Variants in RELN observed in about 807,000 individuals in gnomAD.
The protein encoded by RELN is reelin.
RELN carries 108 observed loss-of-function variants against 427.6 expected under a neutral mutation model. The ratio of observed to expected loss-of-function variants is 0.25; its 90% CI spans 0.22 to 0.30. The LOEUF (loss-of-function observed/expected upper bound fraction) is 0.30, where lower values mean the gene tolerates loss of function less well. RELN is among the 10% of genes least tolerant of loss of function. The pLI is 1.00. For synonymous variants in RELN, 1,524 were observed against 1,513.4 expected, an observed-to-expected ratio of 1.01 and a Z score of -0.16; for missense variants, 3,715 against 4,302.8, an observed-to-expected ratio of 0.86 and a Z score of 3.82.
intron 2 of RELN, among the ~76,000 whole-genome samples, chr7:103,856,500 C>T (rs941648808): frequency 7.0e-6 from 1 of 142,772 alleles, no homozygotes; most frequent in Non-Finnish European, 1.5e-5. Context: ...ACCCAGGAAG[C>T]GGAGATTGCA....
intron 2 of RELN, among the ~76,000 whole-genome samples, chr7:103,870,253 A>G (rs1341695875): frequency 6.6e-6 from 1 of 151,922 alleles, no homozygotes; most frequent in Non-Finnish European, 1.5e-5. Context: ...ACTGGTTTCT[A>G]TTGAATGCTT....
In RELN at chr7:103,780,880, C is replaced by T. The variant is rs183021409; in HGVS notation, c.474-4253G>A. Among the ~76,000 whole-genome samples the T allele has an allele frequency of 4.1e-4, 63 of 152,270 alleles. 1 individual carries two copies. The highest frequency in any genetic ancestry group is 1.3e-3 in the African/African-American group (56 of 41,548). ...TGTCATATTTCTTCCAATGAAGACC[C>T]CTTGCATCTTCCTGTATGCTACTGC... On this transcript the variant is annotated intron_variant, in intron 3 of 64. Transcript: ENST00000428762.
intron 2 of RELN, among the ~76,000 whole-genome samples, chr7:103,892,517 A>G (rs1386421231): frequency 1.3e-5 from 2 of 152,180 alleles, no homozygotes; most frequent in Non-Finnish European, 2.9e-5. Context: ...ATGGGGAAAT[A>G]TATCCACTTT....
chr7:103,917,783 G>C (rs773084193), intron 1 of RELN, among the ~76,000 whole-genome samples: 8 of 152,142 alleles, frequency 5.3e-5, no homozygotes, highest in Non-Finnish European at 1.2e-4. Flanking sequence ...AAGTCTGGAA[G>C]AGGAGTGGTT....
intron 2 of RELN, among the ~76,000 whole-genome samples, chr7:103,913,758 A>G (rs1795421183): frequency 6.6e-6 from 1 of 152,208 alleles, no homozygotes; most frequent in Admixed American, 6.6e-5. Context: ...CATTCTAAAC[A>G]TTATTCATGA....
At chr7:103,545,070 T>C in intron 42 of RELN, 54 bp downstream of exon 42, 1 of 1,377,256 alleles carries the variant, frequency 7.3e-7, no homozygotes, top group East Asian at 2.3e-5. Context: ...AAAAATTGTG[T>C]TTAACATATA....
At chr7:103,787,449 A>G (rs1792046063) in intron 3 of RELN, among the ~76,000 whole-genome samples, 2 of 152,180 alleles carry the variant, frequency 1.3e-5, no homozygotes, top group Admixed American at 1.3e-4. Context: ...AGACTAATAA[A>G]GAAGAAGAAA....
chr7:103,773,462 T>TCTCTCCCTCGCTCCCTCC (rs1563005028), intron 4 of RELN, among the ~76,000 whole-genome samples: 7 of 144,150 alleles, frequency 4.9e-5, no homozygotes, highest in Non-Finnish European at 9.1e-5. Context: ...TCCCTCCCTC[T>TCTCTCCCTCGCTCCCTCC]CTCTCTCTCT....
In RELN at chr7:103,510,922, G is replaced by A. The variant is rs1219212571; in HGVS notation, c.8203C>T (p.His2735Tyr). ...SPDGVMLCGS[H>Y]DGREVYAVTH... is the part of the protein sequence containing the mutation. ...ACTGCATACACCTCCCGTCCATCATGACTGCCACAGAGCATCACACCATCA... is the reference window on the plus strand; with the variant it reads ...ACTGCATACACCTCCCGTCCATCATAACTGCCACAGAGCATCACACCATCA... The change falls in exon 51 of 65, where the codon CAT becomes TAT. Residue 2735 changes from histidine (H) to tyrosine (Y), a missense_variant. Physicochemically the swap from His to Tyr is moderately conservative, Grantham distance 83 (BLOSUM62 2). Around this residue, in one of 4 missense-constraint regions of RELN, gnomAD observed 1,310 missense variants for 1,643.0 expected, o/e 0.80. Transcript: ENST00000428762. 2 of 1,612,840 alleles carry A rather than the reference G, an allele frequency of 1.2e-6. No individual in the cohort carries two copies. The highest frequency in any genetic ancestry group is 1.7e-6 in the Non-Finnish European group (2 of 1,178,894).
chr7:103,887,969 T>TC (rs1794761551), intron 2 of RELN, among the ~76,000 whole-genome samples: 8 of 151,844 alleles, frequency 5.3e-5, no homozygotes, highest in African/African-American at 1.9e-4. Flanking sequence ...GGAAAACCCT[T>TC]GGTGACATGG....
At chr7:103,971,053 G>A (rs1388957931) in intron 1 of RELN, among the ~76,000 whole-genome samples, 1 of 151,618 alleles carries the variant, frequency 6.6e-6, no homozygotes, top group Non-Finnish European at 1.5e-5. Flanking sequence ...TCAGGAGGCT[G>A]AGGCAAGAGA....
intron 2 of RELN, among the ~76,000 whole-genome samples, chr7:103,897,736 T>TTCTTGC (rs1794992358): frequency 6.6e-6 from 1 of 152,196 alleles, no homozygotes; most frequent in South Asian, 2.1e-4. Flanking sequence ...CTGGTTCATT[T>TTCTTGC]TCTTGCTCCA....
In RELN at chr7:103,492,042, ACAAT is replaced by A; in HGVS notation, c.9370-20_9370-17del. 4 of 1,589,806 alleles carry A rather than the reference ACAAT, an allele frequency of 2.5e-6. No homozygotes were observed. Among genetic ancestry groups the A allele is most frequent in the Non-Finnish European group, 3.5e-6 (4 of 1,159,352 alleles). On this transcript the variant is annotated splice_polypyrimidine_tract_variant and intron_variant, in intron 57 of 64. Transcript: ENST00000428762. ...CCACCACAATCTAAAACAAACATAAACAATCAATACACAGGTAAGATTAGATGAT... is the reference window on the plus strand; with the variant it reads ...CCACCACAATCTAAAACAAACATAAACAATACACAGGTAAGATTAGATGAT...
intron 22 of RELN, among the ~76,000 whole-genome samples, chr7:103,607,013 T>C (rs1300413041): frequency 1.3e-5 from 2 of 149,380 alleles, no homozygotes; most frequent in Non-Finnish European, 3.0e-5. Flanking sequence ...CACGAACTCA[T>C]CATTTTTTAT....
At chr7:103,943,848 C>CAAAAA (rs10631941) in intron 1 of RELN, among the ~76,000 whole-genome samples, 25,137 of 75,786 alleles carry the variant, frequency 0.33, 3,897 homozygotes, top group Middle Eastern at 0.35. Context: ...ATTCTGTCTC[C>CAAAAA]AAAAAAAAAA....
intron 4 of RELN, among the ~76,000 whole-genome samples, chr7:103,775,302 C>G (rs1198131221): frequency 6.6e-6 from 1 of 152,054 alleles, no homozygotes; most frequent in Non-Finnish European, 1.5e-5. Context: ...GGATAAAAAT[C>G]TGTTAAACCC....
rs556633709 is a variant in RELN at position 103,544,083 on chromosome 7, G to C, written c.6523+1041C>G. Reference sequence around the variant, plus strand: ...GTTTTTGAGTTTCATCTATGTTGTAGCATGTATCAGTATTTCATTCCTTTT... The same window carrying C: ...GTTTTTGAGTTTCATCTATGTTGTACCATGTATCAGTATTTCATTCCTTTT... On this transcript the variant is annotated intron_variant, in intron 42 of 64. Coordinates refer to ENST00000428762, the MANE Select transcript of RELN (RefSeq NM_005045.4). Among the ~76,000 whole-genome samples, 19 of 152,142 alleles carry C rather than the reference G, an allele frequency of 1.2e-4. No homozygotes were observed. In the East Asian group the frequency reaches 3.1e-3, roughly 25 times the overall value.
intron 7 of RELN, among the ~76,000 whole-genome samples, chr7:103,726,340 G>A (rs1790211367): frequency 6.6e-6 from 1 of 152,016 alleles, no homozygotes; most frequent in African/African-American, 2.4e-5. Context: ...TATTCCCTTT[G>A]AATCTCACCA....
intron 1 of RELN, among the ~76,000 whole-genome samples, chr7:103,938,345 A>G (rs549344349): frequency 2.6e-5 from 4 of 152,268 alleles, no homozygotes; most frequent in Non-Finnish European, 4.4e-5. Flanking sequence ...AAGGCTTCCT[A>G]TATTGTGTCT....
Sources: allele counts gnomAD v4.1 joint callset (sites outside exome capture counted in the v4.1 genomes callset), GRCh38; gene constraint gnomAD v4.1.1; regional missense constraint gnomAD v4.1.1; transcripts MANE v1.5; gene names NCBI Gene and HGNC (gene_info 2026-07-23, HGNC 2026-07-21).